ZNF564: variants seen among roughly 807,000 people sequenced by gnomAD.
ZNF564 encodes the protein zinc finger protein 564.
Under a neutral mutation model 10.5 loss-of-function variants are expected in ZNF564, and 5 were observed. The ratio of observed to expected loss-of-function variants is 0.48; its 90% confidence interval spans 0.25 to 1.00. The LOEUF is 1.00. ZNF564 is among the 50% of genes least tolerant of loss of function. The probability of loss-of-function intolerance (pLI) is 0.16; values close to 1 mark genes in which losing one functional copy is unlikely to be tolerated. For synonymous variants in ZNF564, 242 were observed against 218.1 expected (o/e 1.11, Z -0.97); for missense variants, 603 against 669.7 (o/e 0.90, Z 1.10).
At chr19:12,548,984 G>C (rs796456887) in intron 1 of ZNF564, 7 of 657,234 alleles carry the variant, frequency 1.1e-5, no homozygotes, top group Non-Finnish European at 1.7e-5. Context: ...ATTCTTATCC[G>C]CAGTAGCATT....
chr19:12,526,432 A>G lies in ZNF564; in HGVS notation c.*14T>C. On this transcript the variant is annotated 3_prime_UTR_variant, in exon 4 of 4. Coordinates refer to ENST00000339282, the MANE Select transcript of ZNF564 (RefSeq NM_144976.4). ...ATTCTTTAGATATGTAGATACTTGT[A>G]GACCTGTCCTCCACTATTCATTTTC... 6.4e-7 allele frequency: 1 copy of G among 1,559,292 alleles called. No homozygotes were observed. The highest frequency in any genetic ancestry group is 8.6e-7 in the Non-Finnish European group (1 of 1,157,574).
At chr19:12,546,144 C>T (rs1322202210) in intron 1 of ZNF564, among the ~76,000 whole-genome samples, 4 of 152,164 alleles carry the variant, frequency 2.6e-5, no homozygotes, top group South Asian at 2.1e-4. Flanking sequence ...CAAATACACT[C>T]GTAAATTCAT....
intron 1 of ZNF564, among the ~76,000 whole-genome samples, chr19:12,533,214 C>A (rs888744504): frequency 3.9e-5 from 6 of 152,120 alleles, no homozygotes; most frequent in African/African-American, 1.4e-4. Flanking sequence ...AGATAGTTAC[C>A]AACTCCCCCA....
chr19:12,546,091 G>A lies in ZNF564; in HGVS notation c.3+5239C>T, dbSNP rs1008672141. On this transcript the variant is annotated intron_variant, in intron 1 of 3. Coordinates refer to ENST00000339282, the MANE Select transcript of ZNF564 (RefSeq NM_144976.4). ...AAGGGTTTTAGGATCCCTGTCCCAG[G>A]AACTGCAGACAAACACCAAATATAT... is the stretch of plus-strand genomic sequence containing the variant. Among the ~76,000 whole-genome samples, 4 of 152,132 alleles carry A rather than the reference G, an allele frequency of 2.6e-5. No homozygotes were observed. In the South Asian group the frequency reaches 8.3e-4, roughly 31 times the overall value.
chr19:12,543,635 C>T (rs545013047), intron 1 of ZNF564, among the ~76,000 whole-genome samples: 1 of 136,458 alleles, frequency 7.3e-6, no homozygotes, highest in African/African-American at 2.8e-5. Context: ...GATCACGTCA[C>T]TGCACTCCAG....
At chr19:12,542,182 G>A (rs1367283615) in intron 1 of ZNF564, among the ~76,000 whole-genome samples, 5 of 151,242 alleles carry the variant, frequency 3.3e-5, no homozygotes, top group Non-Finnish European at 5.9e-5. Flanking sequence ...GGTGGTGGGC[G>A]CCTGTAGTCC....
In ZNF564 at chr19:12,526,489, A is replaced by C. The variant is rs1304222749; in HGVS notation, c.1619T>G (p.Leu540Arg). The C allele has an allele frequency of 6.2e-7, 1 of 1,606,948 alleles. No homozygotes were observed. The highest frequency in any genetic ancestry group is 1.7e-5 in the Admixed American group (1 of 58,146). The part of the protein sequence containing the change: ...DKPYVKNVGK[L>R]SFITQPSNTC... ...ATTCGAAGGTTGTGTGATAAATGAA[A>C]GCTTTCCCACATTCTTTACGTAAGG... Residue 540 changes from leucine (L) to arginine (R), a missense_variant, in exon 4 of 4, where the codon CTT (leucine) becomes CGT (arginine). Leu to Arg is a moderately radical substitution (Grantham distance 102). Coordinates refer to ENST00000339282, the MANE Select transcript of ZNF564 (RefSeq NM_144976.4).
intron 1 of ZNF564, among the ~76,000 whole-genome samples, chr19:12,541,908 A>AG (rs532051236): frequency 4.4e-4 from 65 of 148,648 alleles, no homozygotes; most frequent in Non-Finnish European, 7.7e-4. Flanking sequence ...CCAGATACTC[A>AG]GGAGGCTGAG....
At chr19:12,543,804 T>A (rs964583430) in intron 1 of ZNF564, among the ~76,000 whole-genome samples, 2 of 152,028 alleles carry the variant, frequency 1.3e-5, no homozygotes, top group African/African-American at 4.8e-5. Flanking sequence ...ATTCATATAC[T>A]GAAATTCTAA....
At chr19:12,542,014 C>CAAAAAAA (rs74180077) in intron 1 of ZNF564, among the ~76,000 whole-genome samples, 2 of 56,260 alleles carry the variant, frequency 3.6e-5, no homozygotes, top group African/African-American at 8.4e-5. Context: ...AGACTCTGTC[C>CAAAAAAA]AAAAAAAAAA....
chr19:12,536,905 A>C (rs1342933644), intron 1 of ZNF564, among the ~76,000 whole-genome samples: 1 of 152,174 alleles, frequency 6.6e-6, no homozygotes, highest in Non-Finnish European at 1.5e-5. Flanking sequence ...TATATGTGCA[A>C]TCATAATCAC....
intron 1 of ZNF564, among the ~76,000 whole-genome samples, chr19:12,528,909 T>A (rs2021745576): frequency 6.6e-6 from 1 of 152,054 alleles, no homozygotes; most frequent in African/African-American, 2.4e-5. Flanking sequence ...ACTACAGATA[T>A]ATGAATTAGC....
At chr19:12,533,076 G>A (rs1341370177) in intron 1 of ZNF564, 3 of 152,086 alleles carry the variant, frequency 2.0e-5, no homozygotes, top group Non-Finnish European at 4.4e-5. Context: ...TTCTTCTCAA[G>A]TTCACAGGAA....
chr19:12,549,827 A>G (rs2022218788), intron 1 of ZNF564, among the ~76,000 whole-genome samples: 1 of 152,136 alleles, frequency 6.6e-6, no homozygotes, highest in Non-Finnish European at 1.5e-5. Context: ...CTCCAAGAGA[A>G]GTGGCAGCTG....
chr19:12,534,732 T>C (rs1300313367), intron 1 of ZNF564, among the ~76,000 whole-genome samples: 1 of 152,174 alleles, frequency 6.6e-6, no homozygotes, highest in East Asian at 1.9e-4. Flanking sequence ...GAGAATTGTC[T>C]GAGCCCAGGA....
rs909618746 is a variant in ZNF564, at chr19:12,542,708, G to A, written c.3+8622C>T. Among the ~76,000 whole-genome samples, 3 of 151,532 alleles carry A rather than the reference G, an allele frequency of 2.0e-5. No homozygotes were observed. In the East Asian group the frequency reaches 5.8e-4, roughly 29 times the overall value. On this transcript the variant is annotated intron_variant, in intron 1 of 3. Transcript: ENST00000339282. Reference sequence around the variant, plus strand: ...AAAGGAAAAAAAGGAAAGAAAGGAAGGAAAAGAAAAAAGGGCCGGGCACCA... The same window carrying A: ...AAAGGAAAAAAAGGAAAGAAAGGAAAGAAAAGAAAAAAGGGCCGGGCACCA...
In ZNF564 at chr19:12,527,799, A is replaced by G. The variant is rs1434244413; in HGVS notation, c.309T>C (p.Cys103=). Reference sequence around the variant, plus strand: ...AGACTTTCCCACACAAACTACATTCACATGGTCTTACTATAGTAGGAATTT... The same window carrying G: ...AGACTTTCCCACACAAACTACATTCGCATGGTCTTACTATAGTAGGAATTT... ...NKKIPTIVRP[C]ECSLCGKVFM... is the part of the protein sequence containing the mutation. The change falls in exon 4 of 4, where the codon TGT becomes TGC. Residue 103 remains cysteine, a synonymous_variant. Coordinates refer to ENST00000339282, the MANE Select transcript of ZNF564 (RefSeq NM_144976.4). 6.2e-7 allele frequency: 1 copy of G among 1,614,138 alleles called. No individual in the cohort carries two copies. Among genetic ancestry groups the G allele is most frequent in the South Asian group, 1.1e-5 (1 of 91,078 alleles).
intron 1 of ZNF564, among the ~76,000 whole-genome samples, chr19:12,535,366 C>G (rs933340406): frequency 6.6e-6 from 1 of 152,016 alleles, no homozygotes. Context: ...GAGTGAGACT[C>G]CGTCTCAAAA....
At chr19:12,540,151 A>G (rs2022013928) in intron 1 of ZNF564, among the ~76,000 whole-genome samples, 2 of 152,176 alleles carry the variant, frequency 1.3e-5, no homozygotes, top group Admixed American at 1.3e-4. Flanking sequence ...TTATCTTATA[A>G]TCTATAACAC....
Sources: allele counts gnomAD v4.1 joint callset (sites outside exome capture counted in the v4.1 genomes callset), GRCh38; gene constraint gnomAD v4.1.1; transcripts MANE v1.5; gene names NCBI Gene and HGNC (gene_info 2026-07-23, HGNC 2026-07-21).